COLGALT2: variants seen among roughly 807,000 people sequenced by gnomAD.
COLGALT2 encodes procollagen galactosyltransferase 2.
Under a neutral mutation model 73.4 loss-of-function variants are expected in COLGALT2, and 49 were observed. The observed-to-expected ratio is 0.67, with a 90% confidence interval of 0.53 to 0.85. The LOEUF (loss-of-function observed/expected upper bound fraction) is 0.85, where lower values mean the gene tolerates loss of function less well. Among genes scored for constraint, COLGALT2 ranks in the 40% least tolerant of loss-of-function variants. The probability of loss-of-function intolerance (pLI) is 0.00; values close to 1 mark genes in which losing one functional copy is unlikely to be tolerated. For missense variants in COLGALT2, 722 were observed against 790.2 expected (o/e 0.91, Z 1.03); for synonymous variants, 295 against 307.6 (o/e 0.96, Z 0.43).
At chr1:183,939,065 T>G (rs1301765926) in intron 11 of COLGALT2, 28 bp from the exon 12 acceptor site, 1 of 1,578,140 alleles carries the variant, frequency 6.3e-7, no homozygotes, top group Non-Finnish European at 8.7e-7. Context: ...GCCGGACACA[T>G]GAGGGGGCGG....
At chr1:184,017,878 T>TG (rs892429478) in intron 1 of COLGALT2, among the ~76,000 whole-genome samples, 2 of 152,186 alleles carry the variant, frequency 1.3e-5, no homozygotes, top group African/African-American at 4.8e-5. Flanking sequence ...ATGAGGCTAC[T>TG]ACTACTACTA....
At chr1:183,942,343 A>G (rs981851983) in intron 10 of COLGALT2, among the ~76,000 whole-genome samples, 5 of 152,234 alleles carry the variant, frequency 3.3e-5, no homozygotes, top group Admixed American at 1.3e-4. Flanking sequence ...TACAAAAAAA[A>G]AAAGAAGGTA....
At chr1:184,018,625 T>C (rs182047123) in intron 1 of COLGALT2, among the ~76,000 whole-genome samples, 10 of 152,312 alleles carry the variant, frequency 6.6e-5, no homozygotes, top group East Asian at 1.9e-4. Context: ...TTTCAGACTA[T>C]ACAAATTCTT....
intron 2 of COLGALT2, among the ~76,000 whole-genome samples, chr1:183,975,462 G>A (rs1671164364): frequency 1.3e-5 from 2 of 152,192 alleles, no homozygotes; most frequent in African/African-American, 4.8e-5. Flanking sequence ...AGCCCTTTGA[G>A]GTGAGTACTG....
At chr1:183,958,412 A>G (rs1670610281) in intron 6 of COLGALT2, among the ~76,000 whole-genome samples, 1 of 152,154 alleles carries the variant, frequency 6.6e-6, no homozygotes, top group South Asian at 2.1e-4. Flanking sequence ...GTCACTTCAA[A>G]GCTACAATCA....
intron 10 of COLGALT2, among the ~76,000 whole-genome samples, chr1:183,942,079 G>A (rs2102788657): frequency 6.6e-6 from 1 of 152,030 alleles, no homozygotes; most frequent in East Asian, 1.9e-4. Flanking sequence ...CTCCTGAGTA[G>A]CTGGGACTAC....
chr1:183,959,579 A>G lies in COLGALT2; in HGVS notation c.952+4322T>C, dbSNP rs185091285. Among the ~76,000 whole-genome samples, 189 of 151,900 alleles carry G rather than the reference A, an allele frequency of 1.2e-3. 1 individual carries two copies. Among genetic ancestry groups the G allele is most frequent in the African/African-American group, 4.3e-3 (179 of 41,442 alleles). On this transcript the variant is annotated intron_variant, in intron 6 of 11. Transcript: ENST00000361927. ...TATATCCTCAACCTGTCTGTTTCTC[A>G]TCAACTCCTTGCTAGAGCTCACATC...
chr1:183,978,613 G>C, intron 1 of COLGALT2, 93 bp from the exon 2 acceptor site: 1 of 631,306 alleles, frequency 1.6e-6, no homozygotes, highest in Non-Finnish European at 2.6e-6. Context: ...AAGAAGAATG[G>C]CTACTCCTGG....
In COLGALT2 at chr1:183,938,434, C is replaced by T. The variant is rs1207362852; in HGVS notation, c.*327G>A. Reference sequence around the variant, plus strand: ...GGTGATCACTTTCTCTTGAACAAGACTCTGAGCCATGTTGTTCAACCTTAA... The same window carrying T: ...GGTGATCACTTTCTCTTGAACAAGATTCTGAGCCATGTTGTTCAACCTTAA... On this transcript the variant is annotated 3_prime_UTR_variant, in exon 12 of 12. Transcript: ENST00000361927. The T allele has an allele frequency of 8.0e-6, 9 of 1,127,382 alleles. No homozygotes were observed. Among genetic ancestry groups the T allele is most frequent in the Non-Finnish European group, 9.8e-6 (9 of 918,384 alleles). The allele number at this position is 1,127,382 out of a possible 1,614,324, so 69.8% of individuals were successfully genotyped here.
At chr1:183,994,928 T>C (rs971461073) in intron 1 of COLGALT2, among the ~76,000 whole-genome samples, 22 of 152,366 alleles carry the variant, frequency 1.4e-4, no homozygotes, top group African/African-American at 5.1e-4. Flanking sequence ...ATACTGCCTA[T>C]AGATAAATTA....
chr1:184,007,056 C>G (rs879142919), intron 1 of COLGALT2, among the ~76,000 whole-genome samples: 2 of 152,234 alleles, frequency 1.3e-5, no homozygotes, highest in Non-Finnish European at 2.9e-5. Context: ...GCCATGGTTG[C>G]TAACACATCC....
In COLGALT2 at chr1:183,954,767, C is replaced by A; in HGVS notation, c.1024G>T (p.Asp342Tyr). 1 of 1,611,934 alleles carries A rather than the reference C, an allele frequency of 6.2e-7. No homozygotes were observed. The highest frequency in any genetic ancestry group is 8.5e-7 in the Non-Finnish European group (1 of 1,178,256). The change falls in exon 7 of 12, where the codon GAT becomes TAT. Residue 342 changes from aspartate (D) to tyrosine (Y), a missense_variant. Coordinates refer to ENST00000361927, the MANE Select transcript of COLGALT2 (RefSeq NM_015101.4). ...CATATAGACACCTTTCCTACCTCAT[C>A]AAATCCCATCTTGTCTGGATATTTA... ...VPKYPDKMGF[D>Y]EIFMINLKRR...
intron 5 of COLGALT2, among the ~76,000 whole-genome samples, chr1:183,964,869 A>G (rs1670823448): frequency 6.6e-6 from 1 of 152,182 alleles, no homozygotes; most frequent in Non-Finnish European, 1.5e-5. Flanking sequence ...TGAGTCCGCC[A>G]TGTATCCAAG....
intron 4 of COLGALT2, among the ~76,000 whole-genome samples, chr1:183,971,516 T>G (rs887457423): frequency 6.6e-6 from 1 of 152,172 alleles, no homozygotes; most frequent in Non-Finnish European, 1.5e-5. Context: ...AAAACAACCC[T>G]CAAGTGATTC....
chr1:183,994,026 CTTTTTTTTTTTTTT>C (rs869129633), intron 1 of COLGALT2, among the ~76,000 whole-genome samples: 3 of 70,040 alleles, frequency 4.3e-5, no homozygotes, highest in Admixed American at 3.8e-4. Context: ...TCTTGTAATT[CTTTTTTTTTTTTTT>C]TTTTTTTTTT....
intron 1 of COLGALT2, among the ~76,000 whole-genome samples, chr1:183,982,132 G>A (rs944031135): frequency 6.6e-6 from 1 of 152,164 alleles, no homozygotes; most frequent in African/African-American, 2.4e-5. Context: ...GTCTAGGAGG[G>A]AGAACGACCC....
chr1:183,938,735 A>C lies in COLGALT2; in HGVS notation c.*26T>G, dbSNP rs372625883. 2.1e-5 allele frequency: 34 copies of C among 1,611,796 alleles called. No homozygotes were observed. In the African/African-American group the frequency reaches 4.3e-4, roughly 20 times the overall value. ...AGAAAAACCAGAGGATGTTGAACTGATGTGGGCCACACTCCCAGGGAGCCT... is the reference window on the plus strand; with the variant it reads ...AGAAAAACCAGAGGATGTTGAACTGCTGTGGGCCACACTCCCAGGGAGCCT... On this transcript the variant is annotated 3_prime_UTR_variant, in exon 12 of 12. Transcript: ENST00000361927.
intron 1 of COLGALT2, among the ~76,000 whole-genome samples, chr1:184,014,754 T>G (rs1378488596): frequency 6.6e-6 from 1 of 152,192 alleles, no homozygotes; most frequent in Admixed American, 6.5e-5. Flanking sequence ...AGAAGTTTAC[T>G]TTAGACAGGA....
In COLGALT2 at chr1:184,037,512, G is replaced by T; in HGVS notation, c.-155C>A. 8.6e-7 allele frequency: 1 copy of T among 1,157,764 alleles called. No homozygotes were observed. Among genetic ancestry groups the T allele is most frequent in the Non-Finnish European group, 1.1e-6 (1 of 941,796 alleles). 71.7% of individuals were successfully genotyped at this position (1,157,764 alleles called of 1,614,324 possible). The stretch of plus-strand genomic sequence containing the variant: ...GGCCGGCTCACACACTGGCCTCGGC[G>T]GCTGCGGTTCCCAGGACCCTCCCGC... On this transcript the variant is annotated 5_prime_UTR_variant, in exon 1 of 12. Coordinates refer to ENST00000361927, the MANE Select transcript of COLGALT2 (RefSeq NM_015101.4).
Sources: allele counts gnomAD v4.1 joint callset (sites outside exome capture counted in the v4.1 genomes callset), GRCh38; gene constraint gnomAD v4.1.1; transcripts MANE v1.5; gene names NCBI Gene and HGNC (gene_info 2026-07-23, HGNC 2026-07-21).